RB1CC1: variants seen among roughly 807,000 people sequenced by gnomAD.
RB1CC1 encodes the protein RB1 inducible coiled-coil 1.
In RB1CC1, 46 loss-of-function variants were observed where a neutral mutation model predicts 177.5. That is an observed-to-expected ratio of 0.26 (90% CI 0.20 to 0.33). The LOEUF is 0.33. Among genes scored for constraint, RB1CC1 ranks in the 10% least tolerant of loss-of-function variants. The pLI is 1.00. For missense variants in RB1CC1, 1,703 were observed against 1,816.3 expected (o/e 0.94, Z 1.13); for synonymous variants, 666 against 613.6 (o/e 1.09, Z -1.26).
At chr8:52,661,330 C>G in intron 9 of RB1CC1, 49 bp from the exon 10 acceptor site, 1 of 1,588,234 alleles carries the variant, frequency 6.3e-7, no homozygotes, top group Non-Finnish European at 8.6e-7. Flanking sequence ...CTGGTACTAA[C>G]TTAGTTACTT....
chr8:52,680,777 C>A (rs925285711), intron 5 of RB1CC1, among the ~76,000 whole-genome samples: 1 of 152,172 alleles, frequency 6.6e-6, no homozygotes, highest in East Asian at 1.9e-4. Context: ...CATCATGTTG[C>A]GTAAAAGAGG....
chr8:52,708,348 C>G (rs556274597), intron 1 of RB1CC1, among the ~76,000 whole-genome samples: 1 of 152,158 alleles, frequency 6.6e-6, no homozygotes, highest in Non-Finnish European at 1.5e-5. Context: ...AACCCCGTCT[C>G]TGCTAAAAAT....
At chr8:52,641,494 A>T (rs1245702559) in intron 18 of RB1CC1, among the ~76,000 whole-genome samples, 1 of 151,906 alleles carries the variant, frequency 6.6e-6, no homozygotes, top group Admixed American at 6.6e-5. Context: ...TGTTATCTTG[A>T]TGGAAAAATA....
intron 1 of RB1CC1, among the ~76,000 whole-genome samples, chr8:52,688,499 C>T (rs1039805483): frequency 2.6e-5 from 4 of 152,080 alleles, no homozygotes; most frequent in African/African-American, 9.7e-5. Flanking sequence ...AAAAACTCCG[C>T]CCTAGTAAAT....
Position 52,623,534 on chromosome 8 carries a change from T to C in RB1CC1, c.*248A>G. Reference sequence around the variant, plus strand: ...AGAAAATGAAGTAGTTTGGTCCGCATTTCTAGAGTTGTCTGGGTAAAAAAA... The same window carrying C: ...AGAAAATGAAGTAGTTTGGTCCGCACTTCTAGAGTTGTCTGGGTAAAAAAA... On this transcript the variant is annotated 3_prime_UTR_variant, in exon 24 of 24. Transcript: ENST00000025008. 2.1e-6 allele frequency: 1 copy of C among 472,398 alleles called. No homozygotes were observed. The highest frequency in any genetic ancestry group is 3.9e-6 in the Non-Finnish European group (1 of 253,644). The allele number at this position is 472,398 out of a possible 1,614,324, so 29.3% of individuals were successfully genotyped here.
chr8:52,670,003 G>C (rs1356883169), intron 7 of RB1CC1, among the ~76,000 whole-genome samples: 1 of 152,168 alleles, frequency 6.6e-6, no homozygotes. Flanking sequence ...GCCCAAGATA[G>C]AGTGCACTGG....
At chr8:52,633,631 A>G (rs1354903460) in intron 20 of RB1CC1, among the ~76,000 whole-genome samples, 1 of 152,368 alleles carries the variant, frequency 6.6e-6, no homozygotes, top group East Asian at 1.9e-4. Flanking sequence ...ACTTTTCAAA[A>G]GCACTGAACA....
At position 52,714,066 on chromosome 8, in the gene RB1CC1, G is replaced by A. The variant is rs1303103293; in HGVS notation, c.-167+9C>T. Reference sequence around the variant, plus strand: ...GGGGGAAGGGGACGCGGGCGGCGGCGACACTTACCCGGCAACGCCTCCTCC... The same window carrying A: ...GGGGGAAGGGGACGCGGGCGGCGGCAACACTTACCCGGCAACGCCTCCTCC... On this transcript the variant is annotated intron_variant, in intron 1 of 23. Transcript: ENST00000025008. 5.7e-6 allele frequency: 2 copies of A among 353,980 alleles called. No individual in the cohort carries two copies. The highest frequency in any genetic ancestry group is 1.1e-5 in the Non-Finnish European group (2 of 177,272). The allele number at this position is 353,980 out of a possible 1,614,324, so 21.9% of individuals were successfully genotyped here.
chr8:52,656,663 T>C lies in RB1CC1; in HGVS notation c.3166A>G (p.Thr1056Ala), dbSNP rs1467975514. Residue 1056 changes from threonine to alanine, a missense_variant, in exon 15 of 24, where the codon ACG (threonine) becomes GCG (alanine). Coordinates refer to ENST00000025008, the MANE Select transcript of RB1CC1 (RefSeq NM_014781.5). ...AGTTCAACCTCTAACTTGCATCTCGTGTCTGACAAATCAGAAACCTTGAGT... is the reference window on the plus strand; with the variant it reads ...AGTTCAACCTCTAACTTGCATCTCGCGTCTGACAAATCAGAAACCTTGAGT... ...LKLKVSDLSD[T>A]RCKLEVELAL... The C allele has an allele frequency of 1.2e-6, 2 of 1,613,828 alleles. No individual in the cohort carries two copies. The highest frequency in any genetic ancestry group is 1.1e-5 in the South Asian group (1 of 91,006).
chr8:52,664,160 T>G (rs1851862146), intron 8 of RB1CC1, among the ~76,000 whole-genome samples: 1 of 152,184 alleles, frequency 6.6e-6, no homozygotes, highest in Non-Finnish European at 1.5e-5. Flanking sequence ...ACCATATACC[T>G]CCTAGCTTCA....
At chr8:52,706,031 A>T (rs2150710577) in intron 1 of RB1CC1, among the ~76,000 whole-genome samples, 1 of 152,312 alleles carries the variant, frequency 6.6e-6, no homozygotes, top group South Asian at 2.1e-4. Context: ...AGTCTGGATC[A>T]ATTTAATAGC....
chr8:52,626,454 AGT>A (rs1379060123), intron 22 of RB1CC1, among the ~76,000 whole-genome samples: 2 of 152,162 alleles, frequency 1.3e-5, no homozygotes, highest in Admixed American at 6.6e-5. Context: ...GGGGGAAAAA[AGT>A]GTGCACACAT....
At position 52,673,926 on chromosome 8, in the gene RB1CC1, A is replaced by G. The variant is rs755565174; in HGVS notation, c.921T>C (p.Ser307=). The G allele has an allele frequency of 6.2e-6, 10 of 1,614,066 alleles. No homozygotes were observed. In the East Asian group the frequency reaches 2.2e-4, roughly 36 times the overall value. Residue 307 remains serine, a synonymous_variant, in exon 7 of 24, where the codon TCT becomes TCC. Coordinates refer to ENST00000025008, the MANE Select transcript of RB1CC1 (RefSeq NM_014781.5). The stretch of plus-strand genomic sequence containing the variant: ...CTTGAACATTTATCCAGTCTAACAA[A>G]GAGACATTAAAAAAGGGCAGATCAC... ...KDGDLPFFNV[S]LLDWINVQDR...
intron 8 of RB1CC1, 127 bp downstream of exon 8, chr8:52,667,894 A>G: frequency 1.1e-6 from 1 of 904,596 alleles, no homozygotes; most frequent in East Asian, 2.6e-5. Context: ...AGGAAACAAT[A>G]TTAATACATT....
chr8:52,654,712 T>A (rs113706505), intron 15 of RB1CC1, among the ~76,000 whole-genome samples: 26 of 152,312 alleles, frequency 1.7e-4, no homozygotes, highest in East Asian at 7.7e-4. Flanking sequence ...CTGTATCAAG[T>A]GTCTTGCTAA....
rs767937185 is a variant in RB1CC1, at chr8:52,660,991, A to G, written c.1562T>C (p.Val521Ala). The stretch of plus-strand genomic sequence containing the variant: ...TTCATATAATCTCTTTCCATCTTTG[A>G]CTAAAGCACCAGCCCACTAGAAGAG... The part of the protein sequence containing the change: ...KHYREWAGAL[V>A]KDGKRLYEAE... Residue 521 changes from valine (V) to alanine (A), a missense_variant, in exon 11 of 24, where the codon GTC (valine) becomes GCC (alanine). Physicochemically the swap from Val to Ala is moderately conservative, Grantham distance 64 (BLOSUM62 0). Around this residue, in one of 6 missense-constraint regions of RB1CC1, gnomAD observed 1,169 missense variants for 1,184.7 expected, o/e 0.99. Coordinates refer to ENST00000025008, the MANE Select transcript of RB1CC1 (RefSeq NM_014781.5). 1 of 1,613,568 alleles carries G rather than the reference A, an allele frequency of 6.2e-7. No homozygotes were observed. The highest frequency in any genetic ancestry group is 8.5e-7 in the Non-Finnish European group (1 of 1,179,758).
chr8:52,644,391 A>C (rs772764825), intron 16 of RB1CC1, among the ~76,000 whole-genome samples: 10 of 152,212 alleles, frequency 6.6e-5, no homozygotes, highest in Non-Finnish European at 1.0e-4. Context: ...GGTTTCAGTT[A>C]ATTCATTCTT....
intron 1 of RB1CC1, among the ~76,000 whole-genome samples, chr8:52,704,960 C>CAGGTTAG (rs1856423105): frequency 6.6e-6 from 1 of 152,102 alleles, no homozygotes; most frequent in Non-Finnish European, 1.5e-5. Flanking sequence ...CAAGCCAATT[C>CAGGTTAG]TAAATTAAAA....
chr8:52,635,741 G>T (rs1849092936), intron 19 of RB1CC1, among the ~76,000 whole-genome samples: 1 of 152,012 alleles, frequency 6.6e-6, no homozygotes, highest in Non-Finnish European at 1.5e-5. Context: ...TTTACACATT[G>T]ATTTAATAAA....
Sources: gnomAD v4.1 joint callset for allele counts (sites outside exome capture counted in the v4.1 genomes callset) on GRCh38, gnomAD v4.1.1 for gene constraint, gnomAD v4.1.1 regional missense constraint, MANE v1.5 for transcripts, NCBI Gene and HGNC (gene_info 2026-07-23, HGNC 2026-07-21) for gene names.